CUX1: variants seen among roughly 807,000 people sequenced by gnomAD.
CUX1 encodes protein CASP.
CUX1 carries 31 observed loss-of-function variants against 158.8 expected under a neutral mutation model. The ratio of observed to expected loss-of-function variants is 0.20; its 90% confidence interval spans 0.15 to 0.26. CUX1 has a LOEUF of 0.26. CUX1 is among the 10% of genes least tolerant of loss of function. CUX1 has a pLI of 1.00. For synonymous variants in CUX1, 879 were observed against 862.1 expected (o/e 1.02, Z -0.34); for missense variants, 1,589 against 2,014.6 (o/e 0.79, Z 4.04).
downstream of CUX1, among the ~76,000 whole-genome samples, chr7:102,260,104 A>G (rs1489318474): frequency 7.2e-6 from 1 of 139,376 alleles, no homozygotes; most frequent in African/African-American, 2.8e-5. Flanking sequence ...CTTGGGGGGA[A>G]AAAAAAAAAA....
In CUX1 at chr7:101,873,875, G is replaced by A. The variant is rs117564002; in HGVS notation, c.31-42240G>A. Among the ~76,000 whole-genome samples the A allele has an allele frequency of 2.7e-4, 41 of 152,326 alleles. No individual in the cohort carries two copies. The East Asian group carries it at 6.6e-3, about 24-fold the overall frequency. On this transcript the variant is annotated intron_variant, in intron 1 of 23. Transcript: ENST00000292535. ...GCTGGGAATACAGGCATGAGCTACC[G>A]CGTCCTGCCAGGTTCTCCTTTTGAT...
At chr7:102,225,080 C>CG (rs1445409238) in intron 20 of CUX1, among the ~76,000 whole-genome samples, 1 of 152,112 alleles carries the variant, frequency 6.6e-6, no homozygotes, top group African/African-American at 2.4e-5. Context: ...TCTGGTGACC[C>CG]GGGGGGTGAG....
At chr7:101,816,442 C>T (rs1791795356), upstream of CUX1, among the ~76,000 whole-genome samples, 1 of 140,260 alleles carries the variant, frequency 7.1e-6, no homozygotes, top group Non-Finnish European at 1.6e-5. Flanking sequence ...CCGCCGTTGC[C>T]GCCGCGGGAC....
chr7:102,253,045 A>C lies in CUX1; in HGVS notation c.*4003A>C. Reference sequence around the variant, plus strand: ...TGTGCAAGTAATTGAGGCAAAAGATACCAGTCGACAGCCTCCCTGGGGTAG... The same window carrying C: ...TGTGCAAGTAATTGAGGCAAAAGATCCCAGTCGACAGCCTCCCTGGGGTAG... On this transcript the variant is annotated 3_prime_UTR_variant, in exon 24 of 24. Transcript: ENST00000292535. The C allele has an allele frequency of 3.0e-6, 3 of 985,458 alleles. No homozygotes were observed. The highest frequency in any genetic ancestry group is 3.6e-6 in the Non-Finnish European group (3 of 829,940). 61.0% of individuals were successfully genotyped at this position (985,458 alleles called of 1,614,324 possible). A position where few individuals can be genotyped will look rare whatever the true frequency, so the allele number is the denominator to read the frequency against.
intron 20 of CUX1, among the ~76,000 whole-genome samples, chr7:102,213,596 A>C (rs189204042): frequency 4.7e-4 from 72 of 152,324 alleles, no homozygotes; most frequent in African/African-American, 1.7e-3. Flanking sequence ...TCTCCCCTTC[A>C]GGCTTTCCAT....
At chr7:101,860,436 A>G (rs1448827082) in intron 1 of CUX1, among the ~76,000 whole-genome samples, 1 of 152,204 alleles carries the variant, frequency 6.6e-6, no homozygotes, top group Non-Finnish European at 1.5e-5. Context: ...CCACGATCAC[A>G]CCTAAAACAT....
intron 1 of CUX1, among the ~76,000 whole-genome samples, chr7:101,820,709 C>T (rs1208544916): frequency 2.0e-5 from 3 of 152,202 alleles, no homozygotes; most frequent in Admixed American, 6.5e-5. Flanking sequence ...ATTGTTTAAA[C>T]CAGACCCTTA....
At chr7:102,170,080 A>G (rs1554509991) in intron 9 of CUX1, among the ~76,000 whole-genome samples, 1 of 152,244 alleles carries the variant, frequency 6.6e-6, no homozygotes, top group Non-Finnish European at 1.5e-5. Context: ...AATTACTCCC[A>G]GGAGTAATCC....
chr7:101,941,539 C>T (rs1318955293), intron 2 of CUX1, among the ~76,000 whole-genome samples: 1 of 152,190 alleles, frequency 6.6e-6, no homozygotes, highest in Non-Finnish European at 1.5e-5. Context: ...GAATCTATTT[C>T]TTGTAATTAA....
intron 3 of CUX1, among the ~76,000 whole-genome samples, chr7:102,028,499 T>C (rs1475375679): frequency 2.0e-5 from 3 of 152,188 alleles, no homozygotes; most frequent in Admixed American, 6.5e-5. Flanking sequence ...GGTCTGGGGC[T>C]GCCACTGCCA....
Position 101,817,792 on chromosome 7 carries a change from T to G in CUX1, c.30+123T>G. On this transcript the variant is annotated intron_variant, in intron 1 of 23. Transcript: ENST00000292535. The surrounding 1 kb of genome is among the most constrained non-coding windows in gnomAD (Gnocchi z 4.1). ...GGCGGCCTGGTGCTCTGGGAGGGGA[T>G]AGGAGGGTTCCTCAGGGCCCCTGGG... is the stretch of plus-strand genomic sequence containing the variant. The G allele has an allele frequency of 8.4e-7, 1 of 1,192,852 alleles. No individual in the cohort carries two copies. The highest frequency in any genetic ancestry group is 1.1e-6 in the Non-Finnish European group (1 of 870,728). 73.9% of individuals were successfully genotyped at this position (1,192,852 alleles called of 1,614,324 possible). A position where few individuals can be genotyped will look rare whatever the true frequency, so the allele number is the denominator to read the frequency against.
chr7:101,984,002 A>C (rs1283419923), intron 2 of CUX1, among the ~76,000 whole-genome samples: 3 of 147,020 alleles, frequency 2.0e-5, no homozygotes, highest in Non-Finnish European at 3.0e-5. Flanking sequence ...CCACTGCACT[A>C]CAGCCTGGGT....
At chr7:102,203,838 C>T (rs549731204) in intron 18 of CUX1, among the ~76,000 whole-genome samples, 12 of 152,236 alleles carry the variant, frequency 7.9e-5, no homozygotes, top group African/African-American at 1.9e-4. Flanking sequence ...ACTCCCAGGC[C>T]GGCTCCCCAG....
chr7:102,263,929 C>A (rs868965672), intron 14 of CUX1, among the ~76,000 whole-genome samples: 1 of 148,632 alleles, frequency 6.7e-6, no homozygotes, highest in Non-Finnish European at 1.5e-5. Flanking sequence ...TGGCCTCAAG[C>A]GATCTGCCTG....
chr7:101,844,668 T>C (rs1464715768), intron 1 of CUX1, among the ~76,000 whole-genome samples: 1 of 152,164 alleles, frequency 6.6e-6, no homozygotes, highest in Non-Finnish European at 1.5e-5. Flanking sequence ...CAGGCTGGAG[T>C]GCAGCAGCAC....
At chr7:101,943,714 A>G (rs1808006409) in intron 2 of CUX1, among the ~76,000 whole-genome samples, 1 of 151,702 alleles carries the variant, frequency 6.6e-6, no homozygotes. Flanking sequence ...GGGGGCATTG[A>G]TGAGTCTCGT....
intron 19 of CUX1, among the ~76,000 whole-genome samples, 192 bp from the exon 20 acceptor site, chr7:102,204,922 C>T (rs543786074): frequency 7.9e-5 from 12 of 152,326 alleles, no homozygotes; most frequent in East Asian, 3.9e-4. Context: ...ATGTCACAGG[C>T]GAAACCTTTC....
At chr7:102,051,909 C>T (rs1823556031) in intron 3 of CUX1, among the ~76,000 whole-genome samples, 1 of 151,946 alleles carries the variant, frequency 6.6e-6, no homozygotes, top group African/African-American at 2.4e-5. Context: ...TTTTCGTCAG[C>T]TCAAAAAGAA....
chr7:102,048,566 T>G lies in CUX1; in HGVS notation c.189+20421T>G, dbSNP rs548170733. On this transcript the variant is annotated intron_variant, in intron 3 of 23. Coordinates refer to ENST00000292535, the MANE Select transcript of CUX1 (RefSeq NM_181552.4). ...AAAATCAGCTGGGCACAATGGCTCA[T>G]GCCTGTAATCCCAGCAATTTGGGAG... Among the ~76,000 whole-genome samples, 149 of 152,322 alleles carry G rather than the reference T, an allele frequency of 9.8e-4. No homozygotes were observed. The Middle Eastern group carries it at 0.02, about 21-fold the overall frequency.
Sources: gnomAD v4.1 joint callset for allele counts (sites outside exome capture counted in the v4.1 genomes callset) on GRCh38, gnomAD v4.1.1 for gene constraint, Gnocchi (gnomAD v3.1) non-coding constraint, MANE v1.5 for transcripts, NCBI Gene and HGNC (gene_info 2026-07-23, HGNC 2026-07-21) for gene names.